Variants in UGGT2 observed in about 807,000 individuals in gnomAD.
UGGT2 encodes UDP-glucose:glycoprotein glucosyltransferase 2.
UGGT2 carries 180 observed loss-of-function variants against 192.1 expected under a neutral mutation model. The ratio of observed to expected loss-of-function variants is 0.94; its 90% CI spans 0.83 to 1.06. UGGT2 has a LOEUF of 1.06. UGGT2 is among the 50% of genes least tolerant of loss of function. The pLI, the probability that UGGT2 is intolerant of heterozygous loss-of-function variation, is 0.00. For missense variants in UGGT2, 1,849 were observed against 1,795.7 expected (o/e 1.03, Z -0.54); for synonymous variants, 580 against 591.0 (o/e 0.98, Z 0.27).
In UGGT2 at chr13:95,809,661, C is replaced by T. The variant is rs921506835; in HGVS notation, c.4529-7849G>A. 4 of 196,108 alleles carry T rather than the reference C, an allele frequency of 2.0e-5. No homozygotes were observed. In the South Asian group the frequency reaches 4.1e-4, roughly 20 times the overall value. 12.1% of individuals were successfully genotyped at this position (196,108 alleles called of 1,614,324 possible). On this transcript the variant is annotated intron_variant, in intron 38 of 38. Coordinates refer to ENST00000376747, the MANE Select transcript of UGGT2 (RefSeq NM_020121.4). The stretch of plus-strand genomic sequence containing the variant: ...AAGTGCCTGCAGGCTGCAGCCTTTC[C>T]GCAGCCTCAGCACACTGAGAGAGAC...
intron 38 of UGGT2, among the ~76,000 whole-genome samples, chr13:95,813,813 C>G (rs1884688539): frequency 6.6e-6 from 1 of 152,138 alleles, no homozygotes; most frequent in African/African-American, 2.4e-5. Context: ...TGGTCCAGGC[C>G]CAGGGTCCTG....
intron 12 of UGGT2, among the ~76,000 whole-genome samples, chr13:95,961,172 A>AAG (rs916706383): frequency 2.8e-4 from 42 of 151,828 alleles, no homozygotes; most frequent in African/African-American, 8.9e-4. Context: ...ACAATTGTTA[A>AAG]AGAGAGAGAG....
chr13:95,890,823 TAAAAAC>T, intron 25 of UGGT2, 33 bp downstream of exon 25: 1 of 1,529,918 alleles, frequency 6.5e-7, no homozygotes, highest in South Asian at 1.2e-5. Context: ...ATTATGAATT[TAAAAAC>T]AAAAACATTT....
chr13:95,906,968 T>C (rs568606622), intron 20 of UGGT2, among the ~76,000 whole-genome samples: 15 of 152,160 alleles, frequency 9.9e-5, no homozygotes, highest in Non-Finnish European at 1.9e-4. Flanking sequence ...TCGCCTCACC[T>C]GGAAAGCACA....
intron 1 of UGGT2, among the ~76,000 whole-genome samples, chr13:96,033,358 A>C (rs2052897117): frequency 6.6e-6 from 1 of 152,176 alleles, no homozygotes; most frequent in Non-Finnish European, 1.5e-5. Flanking sequence ...GGAGCAAGGA[A>C]CAGGTGGAAG....
At chr13:95,987,759 C>T (rs974723001) in intron 8 of UGGT2, among the ~76,000 whole-genome samples, 2 of 152,116 alleles carry the variant, frequency 1.3e-5, no homozygotes, top group African/African-American at 4.8e-5. Context: ...CCCCTTCTTA[C>T]ATTCGAAGTC....
At chr13:95,968,387 G>A (rs1026043242) in intron 12 of UGGT2, among the ~76,000 whole-genome samples, 3 of 152,164 alleles carry the variant, frequency 2.0e-5, no homozygotes, top group Non-Finnish European at 4.4e-5. Flanking sequence ...GACATATAAT[G>A]TATGTATATG....
At chr13:95,953,690 AT>A (rs1199377906) in intron 12 of UGGT2, among the ~76,000 whole-genome samples, 7 of 152,088 alleles carry the variant, frequency 4.6e-5, no homozygotes, top group Non-Finnish European at 8.8e-5. Context: ...TGAAGTGCAC[AT>A]CTAATGCCCA....
At chr13:95,957,853 T>C (rs1049494672) in intron 12 of UGGT2, among the ~76,000 whole-genome samples, 2 of 152,214 alleles carry the variant, frequency 1.3e-5, no homozygotes, top group Admixed American at 1.3e-4. Flanking sequence ...AAATATCAGA[T>C]ACAAGTATTA....
In UGGT2 at chr13:96,053,354, A is replaced by C. The variant is rs751346400; in HGVS notation, c.-42T>G. The stretch of plus-strand genomic sequence containing the variant: ...CGCGAGTCCCTCGGACCCGGTACCC[A>C]CAGTCTGTGGCCGCCACGCTTCGGC... On this transcript the variant is annotated 5_prime_UTR_variant, in exon 1 of 39. Coordinates refer to ENST00000376747, the MANE Select transcript of UGGT2 (RefSeq NM_020121.4). 2 of 1,557,228 alleles carry C rather than the reference A, an allele frequency of 1.3e-6. No individual in the cohort carries two copies. The highest frequency in any genetic ancestry group is 1.8e-5 in the Admixed American group (1 of 55,506).
intron 37 of UGGT2, among the ~76,000 whole-genome samples, chr13:95,834,715 G>T (rs1887102061): frequency 6.6e-6 from 1 of 152,052 alleles, no homozygotes; most frequent in Non-Finnish European, 1.5e-5. Flanking sequence ...CTGGGTATTG[G>T]TATTGCTATT....
intron 20 of UGGT2, among the ~76,000 whole-genome samples, chr13:95,909,511 C>A (rs1382936938): frequency 7.0e-6 from 1 of 143,646 alleles, no homozygotes; most frequent in African/African-American, 2.6e-5. Flanking sequence ...AACAAAAAAA[C>A]AAACACCGCA....
chr13:95,992,338 C>T (rs2051484092), intron 7 of UGGT2, among the ~76,000 whole-genome samples: 1 of 152,110 alleles, frequency 6.6e-6, no homozygotes, highest in East Asian at 1.9e-4. Flanking sequence ...GAATGTTTTT[C>T]CATTTGTTTG....
chr13:95,849,114 A>T (rs1476226668), intron 36 of UGGT2, among the ~76,000 whole-genome samples: 1 of 152,132 alleles, frequency 6.6e-6, no homozygotes, highest in African/African-American at 2.4e-5. Context: ...TGTCATATAG[A>T]TTATATTCTT....
At chr13:96,048,194 T>C (rs2053376342) in intron 1 of UGGT2, among the ~76,000 whole-genome samples, 1 of 152,072 alleles carries the variant, frequency 6.6e-6, no homozygotes, top group Non-Finnish European at 1.5e-5. Flanking sequence ...TCATAACCAC[T>C]CAACTACATG....
intron 4 of UGGT2, among the ~76,000 whole-genome samples, chr13:96,018,669 C>T (rs547707498): frequency 6.0e-5 from 9 of 150,400 alleles, no homozygotes; most frequent in African/African-American, 7.3e-5. Flanking sequence ...AAGAATTTTA[C>T]GAAATTGGGA....
At chr13:95,979,505 A>G (rs1177305847) in intron 10 of UGGT2, among the ~76,000 whole-genome samples, 1 of 149,260 alleles carries the variant, frequency 6.7e-6, no homozygotes, top group Admixed American at 6.8e-5. Context: ...TGCAAAAACT[A>G]GAATAGGTAA....
At chr13:95,833,133 C>T in intron 37 of UGGT2, 80 bp from the exon 38 acceptor site, 1 of 1,476,778 alleles carries the variant, frequency 6.8e-7, no homozygotes, top group Non-Finnish European at 9.1e-7. Context: ...CTAGGGCAAA[C>T]AAAATACATT....
At chr13:95,974,023 T>C (rs2050860224) in intron 10 of UGGT2, among the ~76,000 whole-genome samples, 1 of 152,208 alleles carries the variant, frequency 6.6e-6, no homozygotes, top group Admixed American at 6.5e-5. Flanking sequence ...TTGTGTGAAC[T>C]ACTCTGTAAA....
Sources: gnomAD v4.1 joint callset for allele counts (sites outside exome capture counted in the v4.1 genomes callset) on GRCh38, gnomAD v4.1.1 for gene constraint, MANE v1.5 for transcripts, NCBI Gene and HGNC (gene_info 2026-07-23, HGNC 2026-07-21) for gene names.